Variants in CHAF1B observed in about 807,000 individuals in gnomAD.
CHAF1B encodes CAF-1 subunit B.
CHAF1B carries 10 observed loss-of-function variants against 60.7 expected under a neutral mutation model. That is an observed-to-expected ratio of 0.16 (90% CI 0.10 to 0.28). The LOEUF (loss-of-function observed/expected upper bound fraction) is 0.28, where lower values mean the gene tolerates loss of function less well. CHAF1B is among the 10% of genes least tolerant of loss of function. CHAF1B has a pLI of 1.00. For synonymous variants in CHAF1B, 261 were observed against 266.1 expected, an observed-to-expected ratio of 0.98 and a Z score of 0.19; for missense variants, 558 against 708.4, an observed-to-expected ratio of 0.79 and a Z score of 2.41.
At chr21:36,386,622 C>T (rs573140284) in intron 2 of CHAF1B, among the ~76,000 whole-genome samples, 5 of 152,144 alleles carry the variant, frequency 3.3e-5, no homozygotes, top group Non-Finnish European at 7.3e-5. Flanking sequence ...AATGAATTAA[C>T]GTATGTCAAC....
At chr21:36,407,295 C>CT (rs2086245666) in intron 8 of CHAF1B, among the ~76,000 whole-genome samples, 1 of 137,856 alleles carries the variant, frequency 7.3e-6, no homozygotes, top group South Asian at 2.1e-4. Flanking sequence ...GAGTGAGACT[C>CT]TGTCTAAAAA....
chr21:36,411,639 G>A, intron 11 of CHAF1B, 35 bp downstream of exon 11: 1 of 1,611,846 alleles, frequency 6.2e-7, no homozygotes, highest in South Asian at 1.1e-5. Context: ...GTGAGTGAAG[G>A]AGACCGTGGC....
chr21:36,389,792 T>TGCGCGCGCGC (rs1168637385), intron 3 of CHAF1B, among the ~76,000 whole-genome samples: 1 of 130,650 alleles, frequency 7.7e-6, no homozygotes, highest in African/African-American at 3.7e-5. Context: ...TGTGTGTGTG[T>TGCGCGCGCGC]GTGTGTGTGC....
chr21:36,411,644 C>G, intron 11 of CHAF1B, 40 bp downstream of exon 11: 2 of 1,608,992 alleles, frequency 1.2e-6, no homozygotes, highest in East Asian at 2.2e-5. Flanking sequence ...TGAAGGAGAC[C>G]GTGGCTGTAT....
chr21:36,396,358 CAAAAAAAAAAAAAAAA>C (rs777079304), intron 5 of CHAF1B, among the ~76,000 whole-genome samples: 3 of 52,816 alleles, frequency 5.7e-5, no homozygotes, highest in African/African-American at 2.1e-4. Flanking sequence ...CCAAAAACCT[CAAAAAAAAAAAAAAAA>C]AAAAAAAAAG....
At chr21:36,406,495 AG>A (rs1196224773) in intron 8 of CHAF1B, among the ~76,000 whole-genome samples, 2 of 152,174 alleles carry the variant, frequency 1.3e-5, no homozygotes, top group Non-Finnish European at 2.9e-5. Flanking sequence ...CATGTTGGCC[AG>A]GGTGGTCTCA....
At position 36,418,988 on chromosome 21, in the gene CHAF1B, AT is replaced by A. The variant is rs956861893; in HGVS notation, c.*2624del. On this transcript the variant is annotated 3_prime_UTR_variant, in exon 14 of 14. Coordinates refer to ENST00000314103, the MANE Select transcript of CHAF1B (RefSeq NM_005441.3). ...CCATCATCCTTAAATATAAATCAAAATTGGCAATAAAAGACCAAGTGAAGTC... is the reference window on the plus strand; with the variant it reads ...CCATCATCCTTAAATATAAATCAAAATGGCAATAAAAGACCAAGTGAAGTC... The A allele has an allele frequency of 7.9e-5, 12 of 152,204 alleles. No individual in the cohort carries two copies. The highest frequency in any genetic ancestry group is 2.9e-4 in the African/African-American group (12 of 41,444). The allele number at this position is 152,204 out of a possible 1,614,324, so 9.4% of individuals were successfully genotyped here. A position where few individuals can be genotyped will look rare whatever the true frequency, so the allele number is the denominator to read the frequency against.
chr21:36,391,334 A>C (rs1361368810), intron 3 of CHAF1B, among the ~76,000 whole-genome samples: 1 of 152,070 alleles, frequency 6.6e-6, no homozygotes, highest in Non-Finnish European at 1.5e-5. Flanking sequence ...AAAAATCCTG[A>C]CATGCAGCTA....
chr21:36,391,805 C>T (rs1002011122), intron 4 of CHAF1B, 137 bp downstream of exon 4: 5 of 502,774 alleles, frequency 9.9e-6, no homozygotes, highest in Non-Finnish European at 1.4e-5. Context: ...GTACTGTGAT[C>T]ACAGTACCCT....
intron 5 of CHAF1B, among the ~76,000 whole-genome samples, chr21:36,397,182 T>G (rs1001782442): frequency 2.0e-5 from 3 of 152,180 alleles, no homozygotes; most frequent in Non-Finnish European, 4.4e-5. Context: ...GTGTGATCCT[T>G]GCTTGTTGAT....
At chr21:36,387,789 G>C in intron 3 of CHAF1B, 59 bp downstream of exon 3, 2 of 1,531,988 alleles carry the variant, frequency 1.3e-6, no homozygotes, top group Non-Finnish European at 1.8e-6. Flanking sequence ...TGTGTGTCTT[G>C]TGTCAGATAG....
Position 36,389,800 on chromosome 21 carries a change from T to TGTGTGTGTGTGCGC in CHAF1B, c.260-1750_260-1749insTGTGTGTGTGCGCG. Among the ~76,000 whole-genome samples the TGTGTGTGTGTGCGC allele has an allele frequency of 2.2e-3, 274 of 124,770 alleles. 1 individual carries two copies. Among genetic ancestry groups the TGTGTGTGTGTGCGC allele is most frequent in the African/African-American group, 8.5e-3 (241 of 28,422 alleles). 81.9% of individuals were successfully genotyped at this position (124,770 alleles called of 152,430 possible). A position where few individuals can be genotyped will look rare whatever the true frequency, so the allele number is the denominator to read the frequency against. On this transcript the variant is annotated intron_variant, in intron 3 of 13. Coordinates refer to ENST00000314103, the MANE Select transcript of CHAF1B (RefSeq NM_005441.3). ...GTGTGTGTGTGTGTGTGTGTGTGTG[T>TGTGTGTGTGTGCGC]GCGCGCGCACGCTGATTTGTAGAGG...
chr21:36,406,639 T>C (rs1029052772), intron 8 of CHAF1B, among the ~76,000 whole-genome samples: 9 of 152,164 alleles, frequency 5.9e-5, no homozygotes, highest in Non-Finnish European at 1.3e-4. Context: ...TATGACATGA[T>C]GTTTTGAAGT....
At chr21:36,408,132 G>A (rs956311282) in intron 8 of CHAF1B, among the ~76,000 whole-genome samples, 2 of 152,186 alleles carry the variant, frequency 1.3e-5, no homozygotes, top group African/African-American at 4.8e-5. Context: ...ATAAAACAGG[G>A]AGATGTTTCC....
chr21:36,386,617 A>T (rs949927284), intron 2 of CHAF1B, among the ~76,000 whole-genome samples: 1 of 152,200 alleles, frequency 6.6e-6, no homozygotes, highest in Non-Finnish European at 1.5e-5. Flanking sequence ...GAATGAATGA[A>T]TTAACGTATG....
intron 3 of CHAF1B, among the ~76,000 whole-genome samples, chr21:36,389,945 T>C (rs1225845343): frequency 6.6e-6 from 1 of 152,162 alleles, no homozygotes; most frequent in Non-Finnish European, 1.5e-5. Context: ...AACCTGCTGT[T>C]GTCAGCACGT....
chr21:36,412,986 A>T lies in CHAF1B; in HGVS notation c.1164A>T (p.Pro388=). 1.9e-6 allele frequency: 3 copies of T among 1,614,248 alleles called. No homozygotes were observed. The highest frequency in any genetic ancestry group is 2.2e-5 in the South Asian group (2 of 91,090). Reference sequence around the variant, plus strand: ...TTGGAATTCCTTTGAAAGAGAAGCCAGTTTTGAACATGAGAACTCCTGATA... The same window carrying T: ...TTGGAATTCCTTTGAAAGAGAAGCCTGTTTTGAACATGAGAACTCCTGATA... The part of the protein sequence containing the change: ...DELGIPLKEK[P]VLNMRTPDTA... The change falls in exon 12 of 14, where the codon CCA becomes CCT. Residue 388 remains proline, a synonymous_variant. Transcript: ENST00000314103.
intron 2 of CHAF1B, among the ~76,000 whole-genome samples, chr21:36,386,808 G>A (rs1345090658): frequency 1.3e-5 from 2 of 151,696 alleles, no homozygotes; most frequent in Non-Finnish European, 2.9e-5. Flanking sequence ...CTGTCTCCCA[G>A]GTTCAAGCTA....
intron 10 of CHAF1B, among the ~76,000 whole-genome samples, chr21:36,410,186 C>T (rs1393785414): frequency 1.3e-5 from 2 of 152,156 alleles, no homozygotes; most frequent in East Asian, 3.9e-4. Context: ...TGGTCTCGAA[C>T]TCCTGACCTC....
Sources: allele counts gnomAD v4.1 joint callset (sites outside exome capture counted in the v4.1 genomes callset), GRCh38; gene constraint gnomAD v4.1.1; transcripts MANE v1.5; gene names NCBI Gene and HGNC (gene_info 2026-07-23, HGNC 2026-07-21).